The following PLEKHA5 variants were observed in gnomAD, a reference collection of about 807,000 sequenced individuals.
PLEKHA5 encodes the protein pleckstrin homology domain containing A5.
Under a neutral mutation model 181.9 loss-of-function variants are expected in PLEKHA5, and 55 were observed. The observed-to-expected ratio is 0.30, with a 90% CI of 0.24 to 0.38. PLEKHA5 has a LOEUF of 0.38. Ranked by LOEUF, PLEKHA5 falls within the 10% of genes least tolerant of loss-of-function variation. The pLI is 1.00. For synonymous variants in PLEKHA5, 535 were observed against 529.4 expected (o/e 1.01, Z -0.15); for missense variants, 1,432 against 1,549.5 (o/e 0.92, Z 1.27).
chr12:19,212,060 A>T (rs1015150498), intron 3 of PLEKHA5, among the ~76,000 whole-genome samples: 1 of 152,208 alleles, frequency 6.6e-6, no homozygotes, highest in Admixed American at 6.5e-5. Flanking sequence ...GTCCAAACCA[A>T]TGAACTTCTA....
chr12:19,133,167 G>A (rs143288698), intron 3 of PLEKHA5, among the ~76,000 whole-genome samples: 26 of 152,012 alleles, frequency 1.7e-4, no homozygotes, highest in African/African-American at 6.3e-4. Context: ...TTTAAAAAAG[G>A]CTTTTAGTAG....
Position 19,322,324 on chromosome 12 carries a change from A to G in PLEKHA5, c.2232A>G (p.Arg744=). Residue 744 remains arginine, a synonymous_variant, in exon 19 of 32, where the codon CGA becomes CGG. Coordinates refer to ENST00000429027, the MANE Select transcript of PLEKHA5 (RefSeq NM_001256470.2). ...EEVDIDAKLS[R]LCEQDKVVHA... ...TTATAACCTAGGCCAAGTTAAGCCG[A>G]TTATGTGAACAAGATAAAGTGGTGC... The G allele has an allele frequency of 6.2e-7, 1 of 1,613,112 alleles. No homozygotes were observed. The highest frequency in any genetic ancestry group is 8.5e-7 in the Non-Finnish European group (1 of 1,179,138).
At chr12:19,375,041 G>A (rs992651864) in intron 31 of PLEKHA5, among the ~76,000 whole-genome samples, 12 of 150,790 alleles carry the variant, frequency 8.0e-5, no homozygotes, top group African/African-American at 2.9e-4. Context: ...TTTCCTTGTG[G>A]GGCCGGGTAT....
At chr12:19,195,713 T>C (rs889499878) in intron 3 of PLEKHA5, among the ~76,000 whole-genome samples, 2 of 151,508 alleles carry the variant, frequency 1.3e-5, no homozygotes, top group Non-Finnish European at 2.9e-5. Context: ...GTAGCCTGTA[T>C]TTAGGCTATT....
chr12:19,192,431 C>A (rs1216244093), intron 3 of PLEKHA5, among the ~76,000 whole-genome samples: 1 of 152,148 alleles, frequency 6.6e-6, no homozygotes, highest in Non-Finnish European at 1.5e-5. Flanking sequence ...GGCACAGTGG[C>A]TCACACCTAT....
intron 3 of PLEKHA5, among the ~76,000 whole-genome samples, chr12:19,211,588 G>A (rs1438738303): frequency 2.0e-5 from 3 of 152,024 alleles, no homozygotes; most frequent in Non-Finnish European, 4.4e-5. Flanking sequence ...CATGAATTCT[G>A]GCCTCTAGAG....
chr12:19,173,116 T>G (rs1013860717), intron 3 of PLEKHA5, among the ~76,000 whole-genome samples: 1 of 139,418 alleles, frequency 7.2e-6, no homozygotes, highest in African/African-American at 2.6e-5. Flanking sequence ...CTCCACTTCC[T>G]GGGTTCACGC....
intron 3 of PLEKHA5, chr12:19,200,347 C>G: frequency 2.0e-6 from 3 of 1,529,416 alleles, no homozygotes; most frequent in Non-Finnish European, 2.6e-6. Flanking sequence ...CCTTTTCATT[C>G]TTCCTGGGAA....
chr12:19,186,159 A>C (rs1166350847), intron 3 of PLEKHA5, among the ~76,000 whole-genome samples: 1 of 152,214 alleles, frequency 6.6e-6, no homozygotes. Context: ...AGGTAACTTG[A>C]AGAAAAAAGG....
chr12:19,240,460 A>G (rs1592169030), intron 3 of PLEKHA5, among the ~76,000 whole-genome samples: 1 of 122,308 alleles, frequency 8.2e-6, no homozygotes, highest in East Asian at 2.3e-4. Context: ...TTTTTTTTTT[A>G]AAGACAGGGT....
At chr12:19,141,463 C>G (rs373991182) in intron 3 of PLEKHA5, among the ~76,000 whole-genome samples, 2 of 152,118 alleles carry the variant, frequency 1.3e-5, no homozygotes, top group African/African-American at 2.4e-5. Flanking sequence ...CATTGGAAGT[C>G]AAGATGTGAA....
chr12:19,349,589 TAG>T (rs2094492713), intron 25 of PLEKHA5, among the ~76,000 whole-genome samples: 1 of 151,290 alleles, frequency 6.6e-6, no homozygotes, highest in South Asian at 2.1e-4. Context: ...AAGAAAAGAG[TAG>T]AGAGAGAACT....
At chr12:19,293,802 A>G (rs1484687764) in intron 15 of PLEKHA5, among the ~76,000 whole-genome samples, 3 of 152,150 alleles carry the variant, frequency 2.0e-5, no homozygotes, top group Non-Finnish European at 2.9e-5. Context: ...TCACTTTCCC[A>G]CATCGAGATT....
At position 19,295,558 on chromosome 12, in the gene PLEKHA5, GA is replaced by G. The variant is rs568154340; in HGVS notation, c.2037+3868del. On this transcript the variant is annotated intron_variant, in intron 15 of 31. Transcript: ENST00000429027. Reference sequence around the variant, plus strand: ...TTTTATGAGGGAAAAAGAAAATTTTGAAAAAAATTTTTTTTCTTAACAGGGC... The same window carrying G: ...TTTTATGAGGGAAAAAGAAAATTTTGAAAAAATTTTTTTTCTTAACAGGGC... Among the ~76,000 whole-genome samples the G allele has an allele frequency of 3.7e-3, 565 of 152,042 alleles. 6 individuals are homozygous for G. Among genetic ancestry groups the G allele is most frequent in the African/African-American group, 0.013 (542 of 41,468 alleles).
intron 26 of PLEKHA5, among the ~76,000 whole-genome samples, chr12:19,356,754 G>A (rs896289955): frequency 2.2e-5 from 3 of 137,412 alleles, no homozygotes; most frequent in Non-Finnish European, 4.6e-5. Flanking sequence ...TCTGCCTCCC[G>A]GGTTCAAATG....
intron 3 of PLEKHA5, among the ~76,000 whole-genome samples, chr12:19,237,774 T>G (rs1052657138): frequency 2.0e-5 from 3 of 152,032 alleles, no homozygotes; most frequent in African/African-American, 7.2e-5. Flanking sequence ...TTATTATTAA[T>G]AATATCAATT....
chr12:19,146,104 A>G (rs2038850004), intron 3 of PLEKHA5, among the ~76,000 whole-genome samples: 3 of 152,224 alleles, frequency 2.0e-5, no homozygotes, highest in Admixed American at 2.0e-4. Flanking sequence ...TGCCAATCAC[A>G]TTCAGATTAA....
intron 3 of PLEKHA5, among the ~76,000 whole-genome samples, chr12:19,160,955 G>C (rs969880580): frequency 3.9e-5 from 6 of 152,206 alleles, no homozygotes; most frequent in Non-Finnish European, 8.8e-5. Context: ...AAGCGTACAT[G>C]TATGAAACAA....
chr12:19,343,748 G>C (rs1179299778), intron 22 of PLEKHA5, among the ~76,000 whole-genome samples: 2 of 152,154 alleles, frequency 1.3e-5, no homozygotes, highest in African/African-American at 4.8e-5. Context: ...GCAACAACTA[G>C]GCAATAGATA....
Sources: allele counts gnomAD v4.1 joint callset (sites outside exome capture counted in the v4.1 genomes callset), GRCh38; gene constraint gnomAD v4.1.1; transcripts MANE v1.5; gene names NCBI Gene and HGNC (gene_info 2026-07-23, HGNC 2026-07-21).